SAXO1: variants seen among roughly 807,000 people sequenced by gnomAD.
SAXO1 encodes stabilizer of axonemal microtubules 1.
SAXO1 carries 21 observed loss-of-function variants against 17.5 expected under a neutral mutation model. The ratio of observed to expected loss-of-function variants is 1.20; its 90% CI spans 0.85 to 1.72. The LOEUF (loss-of-function observed/expected upper bound fraction) is 1.72, where lower values mean the gene tolerates loss of function less well. Among genes scored for constraint, SAXO1 ranks in the 40% most tolerant of loss-of-function variants. The pLI is 0.00. For synonymous variants in SAXO1, 274 were observed against 216.5 expected, an observed-to-expected ratio of 1.27 and a Z score of -2.33; for missense variants, 843 against 596.0, an observed-to-expected ratio of 1.41 and a Z score of -4.32.
chr9:18,931,795 A>G (rs761659464), intron 3 of SAXO1, among the ~76,000 whole-genome samples: 1 of 152,188 alleles, frequency 6.6e-6, no homozygotes, highest in Non-Finnish European at 1.5e-5. Context: ...CTCTGCATGC[A>G]CTTATCCGCT....
rs116103698 is a variant in SAXO1, at chr9:18,928,288, G to A, written c.1189C>T (p.Arg397Ter). Reference sequence around the variant, plus strand: ...TGGCTTTCCACAGGGACATTTCCTCGAGGGCCAGACCAATGAGGCTTACAG... The same window carrying A: ...TGGCTTTCCACAGGGACATTTCCTCAAGGGCCAGACCAATGAGGCTTACAG... The part of the protein sequence containing the change: ...KSCKPHWSGP[R>*]GNVPVESQTT... Residue 397 changes from arginine to a stop codon, truncating the protein, a stop_gained, in exon 4 of 4, where the codon CGA becomes TGA. Coordinates refer to ENST00000380534, the MANE Select transcript of SAXO1 (RefSeq NM_153707.4). LOFTEE classifies it high-confidence loss of function. 862 of 1,612,702 alleles carry A rather than the reference G, an allele frequency of 5.3e-4. 4 individuals carry two copies. In the African/African-American group the frequency reaches 8.2e-3, roughly 15 times the overall value.
intron 1 of SAXO1, among the ~76,000 whole-genome samples, chr9:19,043,421 C>A (rs188891285): frequency 8.6e-5 from 13 of 151,866 alleles, no homozygotes; most frequent in Admixed American, 7.2e-4. Flanking sequence ...GGGGGTTAAG[C>A]GGGAGGTGGA....
chr9:19,018,665 G>A (rs977951840), intron 1 of SAXO1, among the ~76,000 whole-genome samples: 1 of 152,332 alleles, frequency 6.6e-6, no homozygotes, highest in Non-Finnish European at 1.5e-5. Flanking sequence ...AACAACAGAT[G>A]AAGGTTTTTA....
intron 3 of SAXO1, among the ~76,000 whole-genome samples, chr9:18,937,134 C>T (rs1831328717): frequency 6.6e-6 from 1 of 152,182 alleles, no homozygotes; most frequent in Non-Finnish European, 1.5e-5. Flanking sequence ...TCACAAGACA[C>T]AAACATGTCA....
chr9:19,045,463 G>A (rs1320093219), intron 1 of SAXO1, among the ~76,000 whole-genome samples: 1 of 152,078 alleles, frequency 6.6e-6, no homozygotes, highest in African/African-American at 2.4e-5. Context: ...GTAAAACAGG[G>A]GGTCTCTGGA....
chr9:18,946,964 C>T (rs137988999), intron 2 of SAXO1, among the ~76,000 whole-genome samples: 44 of 152,032 alleles, frequency 2.9e-4, no homozygotes, highest in Middle Eastern at 3.4e-3. Context: ...GAACAGAGGA[C>T]GGGGAGAAAA....
intron 1 of SAXO1, among the ~76,000 whole-genome samples, chr9:19,019,483 C>A (rs559119582): frequency 3.9e-5 from 6 of 152,118 alleles, no homozygotes; most frequent in Non-Finnish European, 5.9e-5. Flanking sequence ...AATCCAGGCA[C>A]TTTGGGAGGC....
chr9:19,027,828 C>G (rs2131039885), intron 1 of SAXO1: 1 of 1,468,602 alleles, frequency 6.8e-7, no homozygotes, highest in South Asian at 1.2e-5. Context: ...ATTGCAGTCA[C>G]AAACCGGGTG....
intron 1 of SAXO1, among the ~76,000 whole-genome samples, chr9:19,031,098 T>A (rs1429813546): frequency 6.6e-6 from 1 of 152,200 alleles, no homozygotes; most frequent in African/African-American, 2.4e-5. Flanking sequence ...GTCATAACCC[T>A]ACTGCAGGGG....
chr9:19,045,087 G>A (rs369631069), intron 1 of SAXO1, among the ~76,000 whole-genome samples: 52 of 150,874 alleles, frequency 3.4e-4, no homozygotes, highest in African/African-American at 1.1e-3. Flanking sequence ...GAGGCGGGTG[G>A]ATCATGAGGT....
Position 18,933,858 on chromosome 9 carries a change from A to G in SAXO1, c.422-4803T>C, listed in dbSNP as rs969943154. On this transcript the variant is annotated intron_variant, in intron 3 of 3. Coordinates refer to ENST00000380534, the MANE Select transcript of SAXO1 (RefSeq NM_153707.4). Reference sequence around the variant, plus strand: ...TCAGGAGATCAAGACCATCCTGGCCAACATGGTGAAACCCTGTCTCTACTA... The same window carrying G: ...TCAGGAGATCAAGACCATCCTGGCCGACATGGTGAAACCCTGTCTCTACTA... Among the ~76,000 whole-genome samples the G allele has an allele frequency of 4.6e-5, 7 of 152,232 alleles. No individual in the cohort carries two copies. In the East Asian group the frequency reaches 7.8e-4, roughly 17 times the overall value.
chr9:18,989,887 T>A (rs140339494), intron 1 of SAXO1, among the ~76,000 whole-genome samples: 1 of 152,212 alleles, frequency 6.6e-6, no homozygotes, highest in Non-Finnish European at 1.5e-5. Flanking sequence ...CTCTTACAGA[T>A]TGTAACCTTT....
chr9:18,963,070 G>A (rs1028079486), intron 1 of SAXO1, among the ~76,000 whole-genome samples: 1 of 152,276 alleles, frequency 6.6e-6, no homozygotes, highest in Non-Finnish European at 1.5e-5. Flanking sequence ...TTCCTCCATT[G>A]ATTGTTTTTG....
chr9:19,011,848 G>GTTT (rs10646825), intron 1 of SAXO1, among the ~76,000 whole-genome samples: 63,736 of 142,716 alleles, frequency 0.45, 15,842 homozygotes, highest in Non-Finnish European at 0.55. Context: ...ATTAAGCATA[G>GTTT]ATTTTTTTTT....
At position 18,949,684 on chromosome 9, in the gene SAXO1, T is replaced by TCGA. The variant is rs1554669721; in HGVS notation, c.218+1073_218+1074insTCG. Among the ~76,000 whole-genome samples, 19 of 151,602 alleles carry TCGA rather than the reference T, an allele frequency of 1.3e-4. 1 individual carries two copies. The highest frequency in any genetic ancestry group is 1.2e-3 in the Admixed American group (18 of 15,278). ...AGAAGAGCACCTCCAACTCACAGTCTCAGATGTTTCCAGTCCTATTCTGGA... is the reference window on the plus strand; with the variant it reads ...AGAAGAGCACCTCCAACTCACAGTCTCGACAGATGTTTCCAGTCCTATTCTGGA... On this transcript the variant is annotated intron_variant, in intron 2 of 3. Coordinates refer to ENST00000380534, the MANE Select transcript of SAXO1 (RefSeq NM_153707.4).
chr9:18,945,847 G>A (rs991897996), intron 2 of SAXO1, among the ~76,000 whole-genome samples: 12 of 152,198 alleles, frequency 7.9e-5, no homozygotes, highest in African/African-American at 2.4e-4. Context: ...ATGGCACTGT[G>A]TGAGGCTTCA....
At chr9:18,934,049 AAATAAT>A (rs67844726) in intron 3 of SAXO1, among the ~76,000 whole-genome samples, 17,672 of 151,650 alleles carry the variant, frequency 0.12, 1,254 homozygotes, top group South Asian at 0.21. Flanking sequence ...TCCGTCTCAA[AAATAAT>A]AATAATAATA....
chr9:18,956,538 G>A (rs1832265814), intron 1 of SAXO1, among the ~76,000 whole-genome samples: 1 of 152,150 alleles, frequency 6.6e-6, no homozygotes, highest in South Asian at 2.1e-4. Flanking sequence ...CACTCGAGGA[G>A]GCAGGGTTCA....
At chr9:18,998,394 G>T (rs1455988905) in intron 1 of SAXO1, among the ~76,000 whole-genome samples, 2 of 152,048 alleles carry the variant, frequency 1.3e-5, no homozygotes, top group South Asian at 4.1e-4. Context: ...ATCAAATAAA[G>T]TGAGAAGACA....
Sources: gnomAD v4.1 joint callset for allele counts (sites outside exome capture counted in the v4.1 genomes callset) on GRCh38, gnomAD v4.1.1 for gene constraint, MANE v1.5 for transcripts, NCBI Gene and HGNC (gene_info 2026-07-23, HGNC 2026-07-21) for gene names.